The following ZNF707 variants were observed in gnomAD, a reference collection of about 807,000 sequenced individuals.
The protein encoded by ZNF707 is zinc finger protein 707.
Under a neutral mutation model 13.3 loss-of-function variants are expected in ZNF707, and 8 were observed. The observed-to-expected ratio is 0.60, with a 90% CI of 0.35 to 1.09. ZNF707 has a LOEUF of 1.09. ZNF707 is among the 50% of genes least tolerant of loss of function. ZNF707 has a pLI of 0.02. For synonymous variants in ZNF707, 225 were observed against 205.6 expected, an observed-to-expected ratio of 1.09 and a Z score of -0.81; for missense variants, 530 against 512.6, an observed-to-expected ratio of 1.03 and a Z score of -0.33.
chr8:143,691,903 C>A, intron 5 of ZNF707, 190 bp downstream of exon 5: 2 of 1,052,518 alleles, frequency 1.9e-6, no homozygotes, highest in South Asian at 1.4e-5. Flanking sequence ...TGGACACTGG[C>A]CGGGGGTGGG....
At chr8:143,691,368 C>T in intron 4 of ZNF707, 169 bp downstream of exon 4, 1 of 1,264,414 alleles carries the variant, frequency 7.9e-7, no homozygotes, top group Non-Finnish European at 1.1e-6. Flanking sequence ...CAGCGTTTCT[C>T]TCGGGCTCCC....
chr8:143,694,875 G>A lies in ZNF707; in HGVS notation c.*345G>A, dbSNP rs1563734288. On this transcript the variant is annotated 3_prime_UTR_variant, in exon 6 of 6. Coordinates refer to ENST00000358656, the MANE Select transcript of ZNF707 (RefSeq NM_001100598.2). The surrounding 1 kb of genome is among the most constrained non-coding windows in gnomAD (Gnocchi z 4.4). ...CCTGCCTGGTGCCCACAGCCGTCTG[G>A]CTCAGGGACTCCACCCTGGCCCCGA... 3.8e-6 allele frequency: 1 copy of A among 260,126 alleles called. No homozygotes were observed. Among genetic ancestry groups the A allele is most frequent in the Non-Finnish European group, 7.3e-6 (1 of 137,626 alleles). The allele number at this position is 260,126 out of a possible 1,614,324, so 16.1% of individuals were successfully genotyped here. A position where few individuals can be genotyped will look rare whatever the true frequency, so the allele number is the denominator to read the frequency against.
intron 4 of ZNF707, 142 bp downstream of exon 4, chr8:143,691,341 A>G: frequency 7.3e-7 from 1 of 1,367,080 alleles, no homozygotes; most frequent in Non-Finnish European, 9.7e-7. Context: ...TGGCTTATGT[A>G]GACAGAGGGG....
Position 143,694,002 on chromosome 8 carries a change from G to A in ZNF707, c.588G>A (p.Thr196=), listed in dbSNP as rs368552938. 5 of 1,604,112 alleles carry A rather than the reference G, an allele frequency of 3.1e-6. No homozygotes were observed. The highest frequency in any genetic ancestry group is 4.2e-6 in the Non-Finnish European group (5 of 1,176,696). ...SCHSRLLAHQ[T]VHTGTKAFEC... ...ACAGCCGGCTGCTCGCTCACCAGAC[G>A]GTGCACACGGGAACCAAGGCCTTCG... The change falls in exon 6 of 6, where the codon ACG becomes ACA. Residue 196 remains threonine, a synonymous_variant. Transcript: ENST00000358656. This position sits in a 1 kb window ranked among gnomAD's most constrained non-coding sequence, Gnocchi z 4.4.
intron 1 of ZNF707, chr8:143,686,820 T>G (rs1368323204): frequency 6.9e-6 from 1 of 145,976 alleles, no homozygotes; most frequent in East Asian, 2.2e-4. Context: ...TTTTTTTTTT[T>G]CTTAACTGCC....
At position 143,690,072 on chromosome 8, in the gene ZNF707, C is replaced by T; in HGVS notation, c.-37C>T. Reference sequence around the variant, plus strand: ...GTCTCCCCAGATCTGCCCTCCTTGGCACTGTGCTTCCCCAGAGGGGTGGCC... The same window carrying T: ...GTCTCCCCAGATCTGCCCTCCTTGGTACTGTGCTTCCCCAGAGGGGTGGCC... On this transcript the variant is annotated 5_prime_UTR_variant, in exon 3 of 6. Transcript: ENST00000358656. The T allele has an allele frequency of 6.2e-7, 1 of 1,609,338 alleles. No homozygotes were observed.
At chr8:143,689,893 T>G (rs1412367213) in intron 2 of ZNF707, among the ~76,000 whole-genome samples, 164 bp from the exon 3 acceptor site, 3 of 152,114 alleles carry the variant, frequency 2.0e-5, no homozygotes, top group African/African-American at 7.2e-5. Context: ...CTGCCAAGTT[T>G]CCCCACACCT....
At chr8:143,691,534 C>A in intron 4 of ZNF707, 66 bp from the exon 5 acceptor site, 1 of 1,499,548 alleles carries the variant, frequency 6.7e-7, no homozygotes, top group Non-Finnish European at 9.0e-7. Context: ...CACAACTGCT[C>A]TGAGCCTCGA....
intron 5 of ZNF707, 129 bp downstream of exon 5, chr8:143,691,842 C>CT: frequency 1.0e-6 from 1 of 980,852 alleles, no homozygotes. Context: ...CAGCTGCTCT[C>CT]TAAATTAGAC....
In ZNF707 at chr8:143,694,958, C is replaced by G. The variant is rs370083252; in HGVS notation, c.*428C>G. On this transcript the variant is annotated 3_prime_UTR_variant, in exon 6 of 6. Transcript: ENST00000358656. The surrounding 1 kb of genome is among the most constrained non-coding windows in gnomAD (Gnocchi z 4.4). ...CTGCACCCCATGCTGGCTGCCCGGT[C>G]TGGCTTCCCTTCTTGTCTCTGTCTT... The G allele has an allele frequency of 1.7e-5, 3 of 181,066 alleles. No homozygotes were observed. The highest frequency in any genetic ancestry group is 7.1e-5 in the African/African-American group (3 of 42,476). 11.2% of individuals were successfully genotyped at this position (181,066 alleles called of 1,614,324 possible).
rs1554613494 is a variant in ZNF707, at chr8:143,691,189, G to C, written c.132G>C (p.Val44=). 6.2e-7 allele frequency: 1 copy of C among 1,612,390 alleles called. No individual in the cohort carries two copies. Among genetic ancestry groups the C allele is most frequent in the African/African-American group, 1.3e-5 (1 of 74,928 alleles). The change falls in exon 4 of 6, where the codon GTG becomes GTC. Residue 44 remains valine, a synonymous_variant. Transcript: ENST00000358656. ...TGATGCTGGACAACTTCAGCAGTGT[G>C]GCTGCTCTGGGTGAGCACGGGCTGA... ...RDVMLDNFSS[V]AALGFCSPRP...
chr8:143,694,607 C>T lies in ZNF707; in HGVS notation c.*77C>T, dbSNP rs1210644520. ...GGGAGAGCTGCAGTGAGAAGTTGCT[C>T]TTCAGCCTGGAAAATCAACCTGAAT... On this transcript the variant is annotated 3_prime_UTR_variant, in exon 6 of 6. Transcript: ENST00000358656. The surrounding 1 kb of genome is among the most constrained non-coding windows in gnomAD (Gnocchi z 4.4). 3 of 1,434,446 alleles carry T rather than the reference C, an allele frequency of 2.1e-6. No homozygotes were observed. In the South Asian group the frequency reaches 4.3e-5, roughly 21 times the overall value. The allele number at this position is 1,434,446 out of a possible 1,614,324, so 88.9% of individuals were successfully genotyped here.
intron 3 of ZNF707, 54 bp from the exon 4 acceptor site, chr8:143,691,019 G>T: frequency 6.2e-7 from 1 of 1,608,304 alleles, no homozygotes; most frequent in Non-Finnish European, 8.5e-7. Flanking sequence ...AGACCTGTGG[G>T]CTGAGCCTTC....
At position 143,690,890 on chromosome 8, in the gene ZNF707, C is replaced by T. The variant is rs916222398; in HGVS notation, c.16-183C>T. On this transcript the variant is annotated intron_variant, in intron 3 of 5. Coordinates refer to ENST00000358656, the MANE Select transcript of ZNF707 (RefSeq NM_001100598.2). ...TTCTGACCTCACTTAACCTTAATCT[C>T]TTCCACAGAGGCCCATCTCCAGACA... 15 of 767,052 alleles carry T rather than the reference C, an allele frequency of 2.0e-5. No individual in the cohort carries two copies. The Admixed American group carries it at 3.5e-4, about 18-fold the overall frequency. 47.5% of individuals were successfully genotyped at this position (767,052 alleles called of 1,614,324 possible).
Position 143,691,812 on chromosome 8 carries a change from C to A in ZNF707, c.256+99C>A, listed in dbSNP as rs112640171. On this transcript the variant is annotated intron_variant, in intron 5 of 5. Coordinates refer to ENST00000358656, the MANE Select transcript of ZNF707 (RefSeq NM_001100598.2). ...CTGCAGTGACCAAGGGTGTGTCCTT[C>A]CCATGGGAGAGCAGACACACAGCTG... 261 of 1,125,400 alleles carry A rather than the reference C, an allele frequency of 2.3e-4. 2 individuals carry two copies. In the African/African-American group the frequency reaches 3.5e-3, roughly 15 times the overall value. The allele number at this position is 1,125,400 out of a possible 1,614,324, so 69.7% of individuals were successfully genotyped here.
In ZNF707 at chr8:143,694,422, G is replaced by A. The variant is rs372203670; in HGVS notation, c.1008G>A (p.Arg336=). ...CCAAGGGCTTCAGCATCCACCGGAG[G>A]CTGCACCTGACGAAGAGGTTCTACG... ...RWPKGFSIHR[R]LHLTKRFYEC... Residue 336 remains arginine (R), a synonymous_variant, in exon 6 of 6, where the codon AGG becomes AGA. Coordinates refer to ENST00000358656, the MANE Select transcript of ZNF707 (RefSeq NM_001100598.2). The surrounding 1 kb of genome is among the most constrained non-coding windows in gnomAD (Gnocchi z 4.4). 50 of 1,612,538 alleles carry A rather than the reference G, an allele frequency of 3.1e-5. No homozygotes were observed. In the African/African-American group the frequency reaches 6.0e-4, roughly 19 times the overall value.
At chr8:143,687,814 G>A (rs887783484) in intron 1 of ZNF707, among the ~76,000 whole-genome samples, 3 of 152,118 alleles carry the variant, frequency 2.0e-5, no homozygotes, top group African/African-American at 4.8e-5. Flanking sequence ...CAGGTCTGCC[G>A]GGTTGAAGAA....
intron 1 of ZNF707, among the ~76,000 whole-genome samples, chr8:143,686,164 C>A (rs1391455364): frequency 6.6e-6 from 1 of 151,970 alleles, no homozygotes; most frequent in Non-Finnish European, 1.5e-5. Flanking sequence ...GTGGCATAAT[C>A]TCGGCTCACT....
rs1817204057 is a variant in ZNF707 at position 143,694,906 on chromosome 8, C to T, written c.*376C>T. 9.3e-6 allele frequency: 2 copies of T among 215,506 alleles called. No homozygotes were observed. The highest frequency in any genetic ancestry group is 1.8e-5 in the Non-Finnish European group (2 of 109,360). 13.3% of individuals were successfully genotyped at this position (215,506 alleles called of 1,614,324 possible). ...GGACTCCACCCTGGCCCCGAGTCGC[C>T]GTCTGCTGGGCCTTTCCTTCCTGGC... On this transcript the variant is annotated 3_prime_UTR_variant, in exon 6 of 6. Transcript: ENST00000358656. This position sits in a 1 kb window ranked among gnomAD's most constrained non-coding sequence, Gnocchi z 4.4.
Sources: gnomAD v4.1 joint callset for allele counts (sites outside exome capture counted in the v4.1 genomes callset) on GRCh38, gnomAD v4.1.1 for gene constraint, Gnocchi (gnomAD v3.1) non-coding constraint, MANE v1.5 for transcripts, NCBI Gene and HGNC (gene_info 2026-07-23, HGNC 2026-07-21) for gene names.